Variants in FGF12 observed in about 807,000 individuals in gnomAD.
The protein encoded by FGF12 is fibroblast growth factor 12.
FGF12 carries 14 observed loss-of-function variants against 23.6 expected under a neutral mutation model. The ratio of observed to expected loss-of-function variants is 0.59; its 90% CI spans 0.39 to 0.93. The LOEUF is 0.93. Ranked by LOEUF, FGF12 falls within the 40% of genes least tolerant of loss-of-function variation. The pLI, the probability that FGF12 is intolerant of heterozygous loss-of-function variation, is 0.00. For synonymous variants in FGF12, 62 were observed against 77.3 expected, an observed-to-expected ratio of 0.80 and a Z score of 1.04; for missense variants, 175 against 217.8, an observed-to-expected ratio of 0.80 and a Z score of 1.24.
chr3:192,243,635 A>G (rs1719735686), intron 4 of FGF12, among the ~76,000 whole-genome samples: 1 of 151,970 alleles, frequency 6.6e-6, no homozygotes, highest in Admixed American at 6.6e-5. Context: ...ATGACTTTAA[A>G]TGACAACGGA....
chr3:192,269,193 T>A (rs1240476057), intron 4 of FGF12, among the ~76,000 whole-genome samples: 1 of 152,168 alleles, frequency 6.6e-6, no homozygotes, highest in East Asian at 1.9e-4. Context: ...GTGCTGAGAT[T>A]ACAGGCATGA....
chr3:192,354,055 G>A (rs1005757368), intron 3 of FGF12, among the ~76,000 whole-genome samples: 1 of 152,162 alleles, frequency 6.6e-6, no homozygotes, highest in South Asian at 2.1e-4. Context: ...GTGACTGGTG[G>A]TATCAAAACA....
chr3:192,312,821 C>T (rs1281473927), intron 4 of FGF12, among the ~76,000 whole-genome samples: 1 of 151,632 alleles, frequency 6.6e-6, no homozygotes, highest in African/African-American at 2.4e-5. Flanking sequence ...TCTTATGGCA[C>T]CTAACAATTT....
chr3:192,339,925 C>A (rs1362506817), intron 3 of FGF12, among the ~76,000 whole-genome samples: 1 of 152,062 alleles, frequency 6.6e-6, no homozygotes, highest in Non-Finnish European at 1.5e-5. Flanking sequence ...CACGTTATTT[C>A]CAGGAATGTA....
At chr3:192,628,908 T>G (rs1715284627) in intron 2 of FGF12, among the ~76,000 whole-genome samples, 1 of 151,984 alleles carries the variant, frequency 6.6e-6, no homozygotes, top group African/African-American at 2.4e-5. Flanking sequence ...GAGAATATTC[T>G]TATTATTTTT....
chr3:192,438,097 A>G (rs575301922), intron 2 of FGF12, among the ~76,000 whole-genome samples: 135 of 152,330 alleles, frequency 8.9e-4, no homozygotes, highest in Admixed American at 3.3e-3. Flanking sequence ...TTTACAAGTT[A>G]CCAACCACAT....
At chr3:192,163,961 T>C (rs1244620366) in intron 5 of FGF12, among the ~76,000 whole-genome samples, 1 of 152,106 alleles carries the variant, frequency 6.6e-6, no homozygotes, top group Non-Finnish European at 1.5e-5. Context: ...TTCTTAGTTA[T>C]CTTATTTGGA....
chr3:192,456,172 G>T (rs564021488), intron 2 of FGF12, among the ~76,000 whole-genome samples: 1 of 152,300 alleles, frequency 6.6e-6, no homozygotes, highest in East Asian at 1.9e-4. Flanking sequence ...GAATACAAGA[G>T]AAAATATTTG....
chr3:192,296,764 TTGA>T (rs1372427086), intron 4 of FGF12, among the ~76,000 whole-genome samples: 1 of 152,168 alleles, frequency 6.6e-6, no homozygotes, highest in Admixed American at 6.5e-5. Flanking sequence ...TCCTGCAAAT[TTGA>T]TAATATCAAA....
chr3:192,281,112 C>T (rs1466458290), intron 4 of FGF12, among the ~76,000 whole-genome samples: 1 of 152,136 alleles, frequency 6.6e-6, no homozygotes, highest in Admixed American at 6.6e-5. Context: ...ACAATCACCA[C>T]AAACTGGGTG....
chr3:192,574,101 AGG>A (rs1337114962), intron 2 of FGF12, among the ~76,000 whole-genome samples: 1 of 152,228 alleles, frequency 6.6e-6, no homozygotes, highest in Non-Finnish European at 1.5e-5. Context: ...TGCTTTGGGA[AGG>A]GATCACATAC....
intron 2 of FGF12, among the ~76,000 whole-genome samples, chr3:192,666,974 T>C (rs79062967): frequency 0.012 from 1,746 of 151,620 alleles, 34 homozygotes; most frequent in African/African-American, 0.041. Flanking sequence ...AAGAACATCA[T>C]AATATAATCT....
At chr3:192,713,360 G>C (rs774732205) in intron 2 of FGF12, among the ~76,000 whole-genome samples, 3 of 152,042 alleles carry the variant, frequency 2.0e-5, no homozygotes, top group Non-Finnish European at 2.9e-5. Context: ...AACAAGAGTC[G>C]AAAGTGATTG....
chr3:192,498,824 T>A (rs1350022557), intron 2 of FGF12, among the ~76,000 whole-genome samples: 6 of 152,260 alleles, frequency 3.9e-5, no homozygotes, highest in African/African-American at 1.4e-4. Flanking sequence ...ATAAAATGCA[T>A]TAATCTCTAT....
At chr3:192,198,969 C>T (rs1442886214) in intron 4 of FGF12, among the ~76,000 whole-genome samples, 3 of 152,192 alleles carry the variant, frequency 2.0e-5, no homozygotes, top group Non-Finnish European at 4.4e-5. Context: ...AAATTTTACA[C>T]ATGTGTTGTT....
chr3:192,231,091 G>C (rs945172305), intron 4 of FGF12, among the ~76,000 whole-genome samples: 11 of 152,096 alleles, frequency 7.2e-5, no homozygotes, highest in Admixed American at 2.0e-4. Context: ...AAATGTCCTT[G>C]ATTAATTTTA....
intron 4 of FGF12, among the ~76,000 whole-genome samples, chr3:192,207,932 G>C (rs1274581082): frequency 6.6e-6 from 1 of 152,132 alleles, no homozygotes; most frequent in Non-Finnish European, 1.5e-5. Flanking sequence ...CTAAGCAGAG[G>C]AAAATCCTAC....
chr3:192,331,386 G>A (rs1296427433), intron 4 of FGF12, among the ~76,000 whole-genome samples: 2 of 149,760 alleles, frequency 1.3e-5, no homozygotes, highest in Non-Finnish European at 3.0e-5. Context: ...ACATTTGTAC[G>A]CTCATGTTCA....
At chr3:192,629,725 A>G (rs1577087595) in intron 2 of FGF12, among the ~76,000 whole-genome samples, 1 of 152,338 alleles carries the variant, frequency 6.6e-6, no homozygotes, top group East Asian at 1.9e-4. Flanking sequence ...AAGAGAAAAT[A>G]CTACAAACAG....
Sources: allele counts gnomAD v4.1 joint callset (sites outside exome capture counted in the v4.1 genomes callset), GRCh38; gene constraint gnomAD v4.1.1; transcripts MANE v1.5; gene names NCBI Gene and HGNC (gene_info 2026-07-23, HGNC 2026-07-21).